Variants in KALRN observed in about 807,000 individuals in gnomAD.
The protein encoded by KALRN is kalirin RhoGEF kinase.
KALRN carries 70 observed loss-of-function variants against 353.7 expected under a neutral mutation model. That is an observed-to-expected ratio of 0.20 (90% CI 0.16 to 0.24). The LOEUF (loss-of-function observed/expected upper bound fraction) is 0.24, where lower values mean the gene tolerates loss of function less well. Among genes scored for constraint, KALRN ranks in the 10% least tolerant of loss-of-function variants. The pLI is 1.00. For synonymous variants in KALRN, 1,391 were observed against 1,434.8 expected, an observed-to-expected ratio of 0.97 and a Z score of 0.69; for missense variants, 2,791 against 3,756.7, an observed-to-expected ratio of 0.74 and a Z score of 6.72.
chr3:124,517,264 C>A (rs1260126152), intron 33 of KALRN, among the ~76,000 whole-genome samples: 1 of 152,148 alleles, frequency 6.6e-6, no homozygotes, highest in Non-Finnish European at 1.5e-5. Context: ...CCTAAGTATA[C>A]CTTATATTCC....
chr3:124,253,184 A>G (rs2071420755), intron 3 of KALRN, among the ~76,000 whole-genome samples: 1 of 152,194 alleles, frequency 6.6e-6, no homozygotes, highest in Admixed American at 6.5e-5. Flanking sequence ...GTAATGGGCA[A>G]AAGTTTGAAC....
intron 1 of KALRN, among the ~76,000 whole-genome samples, chr3:124,120,643 G>A (rs1359032194): frequency 6.7e-6 from 1 of 149,228 alleles, no homozygotes; most frequent in Non-Finnish European, 1.5e-5. Context: ...TGGTCTAGAA[G>A]ATACAGAAAT....
chr3:124,056,295 G>A (rs1365692084), intron 1 of KALRN, among the ~76,000 whole-genome samples: 2 of 152,120 alleles, frequency 1.3e-5, no homozygotes, highest in Non-Finnish European at 2.9e-5. Flanking sequence ...TTGATCAGTG[G>A]AAGTCTGTCC....
At chr3:124,208,645 A>G (rs1176557388) in intron 1 of KALRN, among the ~76,000 whole-genome samples, 2 of 152,124 alleles carry the variant, frequency 1.3e-5, no homozygotes, top group East Asian at 3.9e-4. Context: ...TCAGATTAGA[A>G]AATGCAAAAT....
intron 1 of KALRN, among the ~76,000 whole-genome samples, chr3:124,180,738 G>A (rs1342576816): frequency 6.6e-6 from 1 of 151,940 alleles, no homozygotes; most frequent in Non-Finnish European, 1.5e-5. Flanking sequence ...CCCTGCCCTG[G>A]CTCTCTTTTC....
At chr3:124,221,084 C>G (rs75680414) in intron 1 of KALRN, among the ~76,000 whole-genome samples, 2 of 152,194 alleles carry the variant, frequency 1.3e-5, no homozygotes, top group Non-Finnish European at 1.5e-5. Flanking sequence ...AGGTGTCCAC[C>G]CTGTTGGGAG....
intron 34 of KALRN, among the ~76,000 whole-genome samples, chr3:124,566,184 A>T (rs1265024096): frequency 6.6e-6 from 1 of 152,148 alleles, no homozygotes; most frequent in African/African-American, 2.4e-5. Flanking sequence ...CTGAATACAG[A>T]GGTCCCCGAC....
chr3:124,671,772 G>C lies in KALRN; in HGVS notation c.6816G>C (p.Ala2272=). 6.2e-7 allele frequency: 1 copy of C among 1,613,946 alleles called. No homozygotes were observed. The highest frequency in any genetic ancestry group is 1.1e-5 in the South Asian group (1 of 91,066). The change falls in exon 48 of 60, where the codon GCG becomes GCC. Residue 2272 remains alanine, a synonymous_variant. Coordinates refer to ENST00000682506, the MANE Select transcript of KALRN (RefSeq NM_001388419.1). ...ASPRPYSSVP[A]GSEKPPKGSS... is the part of the protein sequence containing the mutation. Reference sequence around the variant, plus strand: ...CCAGGCCCTACTCCTCTGTTCCTGCGGGCTCAGAGAAGCCCCCAAAGGGCT... The same window carrying C: ...CCAGGCCCTACTCCTCTGTTCCTGCCGGCTCAGAGAAGCCCCCAAAGGGCT...
At chr3:124,239,674 C>A (rs2080210143) in intron 3 of KALRN, among the ~76,000 whole-genome samples, 1 of 152,188 alleles carries the variant, frequency 6.6e-6, no homozygotes, top group Non-Finnish European at 1.5e-5. Flanking sequence ...TGTCTTTGTG[C>A]AGCATTACCA....
intron 1 of KALRN, among the ~76,000 whole-genome samples, chr3:124,101,680 C>T (rs2061873605): frequency 6.6e-6 from 1 of 152,206 alleles, no homozygotes; most frequent in Non-Finnish European, 1.5e-5. Flanking sequence ...CTCATCCTCA[C>T]CATGCCTGCA....
At chr3:124,703,085 G>A (rs896777094) in intron 57 of KALRN, among the ~76,000 whole-genome samples, 5 of 152,082 alleles carry the variant, frequency 3.3e-5, no homozygotes, top group Non-Finnish European at 7.4e-5. Context: ...ATGGGCCATT[G>A]ACATCATTTC....
intron 10 of KALRN, among the ~76,000 whole-genome samples, chr3:124,361,807 G>T (rs1452487567): frequency 6.7e-6 from 1 of 148,710 alleles, no homozygotes; most frequent in Non-Finnish European, 1.5e-5. Context: ...GGTGGCAGCA[G>T]TGGGGGTGGG....
rs375263556 is a variant in KALRN, at chr3:124,263,590, TA to T, written c.264-895del. 1.6e-3 allele frequency among the ~76,000 whole-genome samples: 235 copies of T among 143,362 alleles called. 1 individual carries two copies. Among genetic ancestry groups the T allele is most frequent in the East Asian group, 4.2e-3 (21 of 5,026 alleles). 94.1% of individuals were successfully genotyped at this position (143,362 alleles called of 152,430 possible). A position where few individuals can be genotyped will look rare whatever the true frequency, so the allele number is the denominator to read the frequency against. On this transcript the variant is annotated intron_variant, in intron 3 of 59. Coordinates refer to ENST00000682506, the MANE Select transcript of KALRN (RefSeq NM_001388419.1). The stretch of plus-strand genomic sequence containing the variant: ...TGCACATAGCGAGACCCTGACTCTT[TA>T]AAAAAAAAAAAAGTAAAAAGAAATA...
chr3:124,190,249 C>T (rs932566637), intron 1 of KALRN, among the ~76,000 whole-genome samples: 19 of 152,278 alleles, frequency 1.2e-4, no homozygotes, highest in Admixed American at 1.2e-3. Flanking sequence ...AAGCAGGGAG[C>T]TTCGTATGGC....
chr3:124,048,693 C>G (rs1233159888), intron 1 of KALRN, among the ~76,000 whole-genome samples: 4 of 152,110 alleles, frequency 2.6e-5, no homozygotes, highest in African/African-American at 9.7e-5. Context: ...CCGTGTTAGC[C>G]AGATGGTCTC....
At chr3:124,127,849 A>G (rs987983078) in intron 1 of KALRN, among the ~76,000 whole-genome samples, 6 of 152,224 alleles carry the variant, frequency 3.9e-5, no homozygotes, top group African/African-American at 9.6e-5. Context: ...GCTAATTGAG[A>G]CAGCAGTTAT....
intron 1 of KALRN, among the ~76,000 whole-genome samples, chr3:124,226,983 C>T (rs1276986216): frequency 7.9e-5 from 12 of 152,094 alleles, no homozygotes; most frequent in Non-Finnish European, 7.4e-5. Context: ...TAGCTCGAAT[C>T]GCTGTAAGTG....
At chr3:124,040,146 G>A (rs544907308) in intron 1 of KALRN, among the ~76,000 whole-genome samples, 11 of 152,232 alleles carry the variant, frequency 7.2e-5, no homozygotes, top group African/African-American at 2.4e-4. Context: ...AATCCCTTGA[G>A]GGATGAAAGG....
At chr3:124,057,825 T>G (rs2041687961) in intron 1 of KALRN, among the ~76,000 whole-genome samples, 1 of 152,192 alleles carries the variant, frequency 6.6e-6, no homozygotes, top group African/African-American at 2.4e-5. Flanking sequence ...GTTTATTCCC[T>G]AAGCCTGGGG....
Sources: gnomAD v4.1 joint callset for allele counts (sites outside exome capture counted in the v4.1 genomes callset) on GRCh38, gnomAD v4.1.1 for gene constraint, MANE v1.5 for transcripts, NCBI Gene and HGNC (gene_info 2026-07-23, HGNC 2026-07-21) for gene names.